Variants in MAF observed in about 807,000 individuals in gnomAD.
MAF encodes the protein transcription factor Maf.
Under a neutral mutation model 22.0 loss-of-function variants are expected in MAF, and 10 were observed. The ratio of observed to expected loss-of-function variants is 0.45; its 90% CI spans 0.28 to 0.77. MAF has a LOEUF of 0.77. MAF is among the 30% of genes least tolerant of loss of function. The pLI is 0.12. For synonymous variants in MAF, 337 were observed against 255.8 expected (o/e 1.32, Z -3.03); for missense variants, 544 against 548.4 (o/e 0.99, Z 0.08).
At chr16:79,558,255 T>C in the MAF span, among the ~76,000 whole-genome samples, 1 of 151,860 alleles carries the variant, frequency 6.6e-6, no homozygotes, top group African/African-American at 2.4e-5. Context: ...CTATGCCATG[T>C]TGAAAAAGTG....
At chr16:79,362,963 A>C in the MAF span, among the ~76,000 whole-genome samples, 1 of 152,170 alleles carries the variant, frequency 6.6e-6, no homozygotes, top group Admixed American at 6.5e-5. Flanking sequence ...TAACTATCCA[A>C]CTAGTAATCC....
At chr16:79,566,126 G>A in the MAF span, among the ~76,000 whole-genome samples, 1 of 152,090 alleles carries the variant, frequency 6.6e-6, no homozygotes, top group Admixed American at 6.5e-5. Context: ...TCTGCATCCA[G>A]AACAACATCT....
chr16:79,308,742 T>C, the MAF span, among the ~76,000 whole-genome samples: 1 of 152,172 alleles, frequency 6.6e-6, no homozygotes, highest in South Asian at 2.1e-4. Context: ...TGGCATCAAC[T>C]TTCCCACAGT....
At chr16:79,400,363 A>T in the MAF span, among the ~76,000 whole-genome samples, 1 of 152,324 alleles carries the variant, frequency 6.6e-6, no homozygotes, top group East Asian at 1.9e-4. Flanking sequence ...ATTTCTGAAC[A>T]TCACTCTGCA....
the MAF span, among the ~76,000 whole-genome samples, chr16:79,372,093 C>G: frequency 6.8e-6 from 1 of 146,214 alleles, no homozygotes; most frequent in Non-Finnish European, 1.5e-5. Context: ...TTTTTTACCC[C>G]AAGTGCAATG....
chr16:79,339,965 C>T, the MAF span, among the ~76,000 whole-genome samples: 1 of 152,194 alleles, frequency 6.6e-6, no homozygotes, highest in Non-Finnish European at 1.5e-5. Flanking sequence ...CATCTACTCA[C>T]CGTCCTGGCA....
the MAF span, among the ~76,000 whole-genome samples, chr16:79,456,922 A>G: frequency 6.7e-6 from 1 of 148,490 alleles, no homozygotes; most frequent in South Asian, 2.2e-4. Flanking sequence ...TTCTTCCTAC[A>G]AAGCCATGTT....
At chr16:79,532,008 G>C in the MAF span, among the ~76,000 whole-genome samples, 1 of 152,156 alleles carries the variant, frequency 6.6e-6, no homozygotes, top group Non-Finnish European at 1.5e-5. Flanking sequence ...AGAAACAATA[G>C]GGAATACCCA....
intron 1 of MAF, chr16:79,597,684 T>C (rs943829949): frequency 9.8e-7 from 1 of 1,020,090 alleles, no homozygotes; most frequent in Non-Finnish European, 1.2e-6. Context: ...AAAAAAGTCA[T>C]GAGGCAATAA....
At chr16:79,391,899 C>CAGGAGGAGGAGAAGG in the MAF span, among the ~76,000 whole-genome samples, 16 of 48,406 alleles carry the variant, frequency 3.3e-4, no homozygotes, top group African/African-American at 9.4e-4. Context: ...GGAGGAGGAG[C>CAGGAGGAGGAGAAGG]AGGAGGAGGA....
the MAF span, among the ~76,000 whole-genome samples, chr16:79,344,172 TG>T: frequency 4.1e-4 from 63 of 152,290 alleles, no homozygotes; most frequent in African/African-American, 1.5e-3. Context: ...CTAGGAGGGA[TG>T]AAAATTGCAT....
the MAF span, among the ~76,000 whole-genome samples, chr16:79,448,378 T>A: frequency 4.7e-5 from 1 of 21,424 alleles, no homozygotes; most frequent in Admixed American, 5.3e-4. Context: ...AATGCTAGCA[T>A]TTTTTTTTTT....
At chr16:79,456,921 C>T in the MAF span, among the ~76,000 whole-genome samples, 8 of 149,032 alleles carry the variant, frequency 5.4e-5, no homozygotes, top group Admixed American at 1.3e-4. Context: ...TTTCTTCCTA[C>T]AAAGCCATGT....
chr16:79,472,327 C>A, the MAF span, among the ~76,000 whole-genome samples: 1 of 152,150 alleles, frequency 6.6e-6, no homozygotes, highest in Non-Finnish European at 1.5e-5. Flanking sequence ...TGAATTCACT[C>A]ATAAAGACAT....
At chr16:79,405,767 A>C in the MAF span, among the ~76,000 whole-genome samples, 59 of 151,976 alleles carry the variant, frequency 3.9e-4, no homozygotes, top group Non-Finnish European at 7.6e-4. Context: ...GCATTATCTT[A>C]TTTAGTCCTC....
the MAF span, among the ~76,000 whole-genome samples, chr16:79,484,415 G>C: frequency 6.6e-6 from 1 of 152,252 alleles, no homozygotes; most frequent in Non-Finnish European, 1.5e-5. Context: ...TGTATCTGCA[G>C]ATGACCTCAG....
chr16:79,502,674 AATAAATATAAAT>A, the MAF span, among the ~76,000 whole-genome samples: 49 of 75,976 alleles, frequency 6.4e-4, no homozygotes, highest in African/African-American at 1.3e-3. Flanking sequence ...TCCAAAAATA[AATAAATATAAAT>A]ATAAATATAA....
chr16:79,312,630 G>A, the MAF span, among the ~76,000 whole-genome samples: 1 of 152,190 alleles, frequency 6.6e-6, no homozygotes. Flanking sequence ...ACCTAGGACC[G>A]TCTCTGAAGG....
At chr16:79,485,329 G>A in the MAF span, among the ~76,000 whole-genome samples, 3 of 152,220 alleles carry the variant, frequency 2.0e-5, no homozygotes, top group Non-Finnish European at 4.4e-5. Flanking sequence ...AAAGTCATAC[G>A]ACAGCGATTG....
Sources: gnomAD v4.1 joint callset for allele counts (sites outside exome capture counted in the v4.1 genomes callset) on GRCh38, gnomAD v4.1.1 for gene constraint, MANE v1.5 for transcripts, NCBI Gene and HGNC (gene_info 2026-07-23, HGNC 2026-07-21) for gene names.